Variants in GABRB2 observed in about 807,000 individuals in gnomAD.
GABRB2 encodes the protein gamma-aminobutyric acid type A receptor subunit beta2.
A neutral mutation model predicts 54.7 loss-of-function variants in GABRB2; 16 were observed. The observed-to-expected ratio is 0.29, with a 90% CI of 0.20 to 0.44. The LOEUF is 0.44. GABRB2 is among the 20% of genes least tolerant of loss of function. GABRB2 has a pLI of 1.00. For synonymous variants in GABRB2, 244 were observed against 233.8 expected (o/e 1.04, Z -0.40); for missense variants, 355 against 644.0 (o/e 0.55, Z 4.86).
At chr5:161,367,591 A>C (rs1463164164) in intron 5 of GABRB2, among the ~76,000 whole-genome samples, 1 of 152,176 alleles carries the variant, frequency 6.6e-6, no homozygotes, top group East Asian at 1.9e-4. Context: ...TGTTGTATTT[A>C]ATTCCATTTC....
rs551290275 is a variant in GABRB2, at chr5:161,483,583, C to T, written c.238-23739G>A. Reference sequence around the variant, plus strand: ...AATTTACATGAATAACTCTCAGGTGCATGTTGTAATCCTGGATTCAGCATT... The same window carrying T: ...AATTTACATGAATAACTCTCAGGTGTATGTTGTAATCCTGGATTCAGCATT... On this transcript the variant is annotated intron_variant, in intron 3 of 9. Transcript: ENST00000393959. Among the ~76,000 whole-genome samples, 11 of 151,964 alleles carry T rather than the reference C, an allele frequency of 7.2e-5. No homozygotes were observed. In the South Asian group the frequency reaches 2.3e-3, roughly 32 times the overall value.
intron 3 of GABRB2, among the ~76,000 whole-genome samples, chr5:161,534,080 A>T (rs968798975): frequency 6.6e-6 from 1 of 152,198 alleles, no homozygotes; most frequent in Admixed American, 6.5e-5. Flanking sequence ...AAAAACCATT[A>T]CTCAAAAAGA....
At chr5:161,376,998 G>T (rs902047171) in intron 5 of GABRB2, among the ~76,000 whole-genome samples, 3 of 152,022 alleles carry the variant, frequency 2.0e-5, no homozygotes, top group Admixed American at 6.6e-5. Context: ...GGAACCTAGG[G>T]CAGCTAGGAC....
intron 3 of GABRB2, among the ~76,000 whole-genome samples, chr5:161,517,829 C>T (rs1250166047): frequency 6.6e-6 from 1 of 151,276 alleles, no homozygotes; most frequent in Non-Finnish European, 1.5e-5. Context: ...CAGAGTCTCA[C>T]TCTGTTGCCC....
intron 4 of GABRB2, among the ~76,000 whole-genome samples, chr5:161,458,954 G>A (rs1262017027): frequency 1.3e-5 from 2 of 151,896 alleles, no homozygotes; most frequent in South Asian, 2.1e-4. Context: ...AGTGTTTTCA[G>A]AGAAAGATAT....
intron 9 of GABRB2, among the ~76,000 whole-genome samples, chr5:161,296,727 C>T (rs568081018): frequency 1.3e-4 from 20 of 152,128 alleles, no homozygotes; most frequent in East Asian, 3.8e-4. Context: ...ACAGGTACAG[C>T]GGTGAGAAAG....
At chr5:161,449,854 A>G (rs1757743039) in intron 4 of GABRB2, among the ~76,000 whole-genome samples, 1 of 152,136 alleles carries the variant, frequency 6.6e-6, no homozygotes, top group Non-Finnish European at 1.5e-5. Context: ...AAAAAAATAG[A>G]GTAAAATGAA....
chr5:161,340,668 C>T (rs1044705138), intron 5 of GABRB2, among the ~76,000 whole-genome samples: 5 of 150,328 alleles, frequency 3.3e-5, no homozygotes, highest in African/African-American at 1.2e-4. Context: ...ATAGAGCTGT[C>T]AGGCAGAAAA....
At chr5:161,366,793 A>C (rs569724135) in intron 5 of GABRB2, among the ~76,000 whole-genome samples, 1 of 152,166 alleles carries the variant, frequency 6.6e-6, no homozygotes, top group Non-Finnish European at 1.5e-5. Context: ...TAATAAATAC[A>C]AAAATTAAGT....
chr5:161,424,347 C>T (rs375048610), intron 4 of GABRB2, among the ~76,000 whole-genome samples: 3 of 152,224 alleles, frequency 2.0e-5, no homozygotes, highest in African/African-American at 7.2e-5. Flanking sequence ...CTTGAAAGGA[C>T]AGGCTGACCT....
At chr5:161,425,586 T>C (rs1346072983) in intron 4 of GABRB2, among the ~76,000 whole-genome samples, 1 of 152,144 alleles carries the variant, frequency 6.6e-6, no homozygotes, top group Non-Finnish European at 1.5e-5. Context: ...AGTGTAAGCA[T>C]AACTTTTTGT....
At chr5:161,356,826 AT>A (rs1754646049) in intron 5 of GABRB2, among the ~76,000 whole-genome samples, 1 of 152,134 alleles carries the variant, frequency 6.6e-6, no homozygotes, top group African/African-American at 2.4e-5. Flanking sequence ...AACCCTGGAT[AT>A]TTTTGGAATA....
At chr5:161,431,621 G>A (rs1184237024) in intron 4 of GABRB2, among the ~76,000 whole-genome samples, 1 of 152,116 alleles carries the variant, frequency 6.6e-6, no homozygotes, top group Non-Finnish European at 1.5e-5. Context: ...CAAAAAGCAG[G>A]TAAAGTGCCC....
chr5:161,395,100 G>A (rs1219575067), intron 5 of GABRB2, among the ~76,000 whole-genome samples: 1 of 152,114 alleles, frequency 6.6e-6, no homozygotes, highest in Admixed American at 6.6e-5. Context: ...TAATGAAGAA[G>A]AAAGGATATG....
At chr5:161,547,566 A>G (rs1249890404), upstream of GABRB2, among the ~76,000 whole-genome samples, 1 of 150,294 alleles carries the variant, frequency 6.7e-6, no homozygotes, top group Non-Finnish European at 1.5e-5. Flanking sequence ...GGTTATTTAT[A>G]GCAGGAGGGG....
chr5:161,423,468 C>G (rs1580973546), intron 4 of GABRB2, among the ~76,000 whole-genome samples: 1 of 152,092 alleles, frequency 6.6e-6, no homozygotes, highest in Non-Finnish European at 1.5e-5. Context: ...TTTGGTAATT[C>G]TTACAATATT....
At chr5:161,467,807 C>G (rs147298905) in intron 3 of GABRB2, among the ~76,000 whole-genome samples, 4 of 152,158 alleles carry the variant, frequency 2.6e-5, no homozygotes, top group Non-Finnish European at 5.9e-5. Context: ...TTCTCAACAT[C>G]ATAGGCTGTG....
intron 3 of GABRB2, among the ~76,000 whole-genome samples, chr5:161,509,327 G>C (rs1384775279): frequency 6.6e-6 from 1 of 151,896 alleles, no homozygotes; most frequent in Admixed American, 6.6e-5. Context: ...TGTAAATACA[G>C]TCCAGCAATA....
At chr5:161,429,501 G>GGGA (rs1487180572) in intron 4 of GABRB2, among the ~76,000 whole-genome samples, 2 of 152,046 alleles carry the variant, frequency 1.3e-5, no homozygotes, top group Non-Finnish European at 2.9e-5. Flanking sequence ...TTAGCCTGGA[G>GGGA]GGATAACCAG....
Sources: allele counts gnomAD v4.1 joint callset (sites outside exome capture counted in the v4.1 genomes callset), GRCh38; gene constraint gnomAD v4.1.1; transcripts MANE v1.5; gene names NCBI Gene and HGNC (gene_info 2026-07-23, HGNC 2026-07-21).